Variants in PRRC2B observed in about 807,000 individuals in gnomAD.
PRRC2B encodes protein PRRC2B.
In PRRC2B, 68 loss-of-function variants were observed where a neutral mutation model predicts 242.3. The observed-to-expected ratio is 0.28, with a 90% confidence interval of 0.23 to 0.34. PRRC2B has a LOEUF of 0.34. Ranked by LOEUF, PRRC2B falls within the 10% of genes least tolerant of loss-of-function variation. PRRC2B has a pLI of 1.00. For synonymous variants in PRRC2B, 1,228 were observed against 1,173.6 expected (o/e 1.05, Z -0.95); for missense variants, 2,835 against 2,954.8 (o/e 0.96, Z 0.94).
At chr9:131,379,870 C>T (rs924425693) in intron 1 of PRRC2B, among the ~76,000 whole-genome samples, 10 of 151,600 alleles carry the variant, frequency 6.6e-5, no homozygotes, top group African/African-American at 1.9e-4. Context: ...GTGATCCACC[C>T]GCCTCAGCCT....
At chr9:131,468,448 CTTTATT>C (rs948492486) in intron 13 of PRRC2B, among the ~76,000 whole-genome samples, 7 of 152,178 alleles carry the variant, frequency 4.6e-5, no homozygotes, top group African/African-American at 1.4e-4. Flanking sequence ...TTTTTATAAA[CTTTATT>C]TTTATTTTTT....
chr9:131,451,661 T>C (rs967401405), intron 9 of PRRC2B, among the ~76,000 whole-genome samples: 6 of 151,026 alleles, frequency 4.0e-5, no homozygotes, highest in African/African-American at 1.5e-4. Flanking sequence ...AGGAAGAAAA[T>C]GTTTCATGTG....
rs565504265 is a variant in PRRC2B at position 131,466,781 on chromosome 9, G to C, written c.1721-782G>C. 8.2e-4 allele frequency among the ~76,000 whole-genome samples: 125 copies of C among 152,084 alleles called. 1 individual carries two copies. The highest frequency in any genetic ancestry group is 1.6e-3 in the Non-Finnish European group (111 of 67,978). ...ATTACAGGCGAGCGCCACCATGCCT[G>C]GCTAATTTTTGTACTTTCTTTTTTT... is the stretch of plus-strand genomic sequence containing the variant. On this transcript the variant is annotated intron_variant, in intron 12 of 31. Transcript: ENST00000683519.
chr9:131,460,294 T>C (rs1009733311), intron 11 of PRRC2B, among the ~76,000 whole-genome samples: 4 of 152,232 alleles, frequency 2.6e-5, no homozygotes, highest in Non-Finnish European at 5.9e-5. Context: ...TCTAGCCTTC[T>C]TTATCTGGAT....
chr9:131,420,501 T>TCTTTC (rs1837804218), intron 1 of PRRC2B, among the ~76,000 whole-genome samples: 15 of 19,046 alleles, frequency 7.9e-4, no homozygotes, highest in East Asian at 2.0e-3. Context: ...TTCTTTTTTT[T>TCTTTC]TTTTTTTTTG....
intron 23 of PRRC2B, 144 bp downstream of exon 23, chr9:131,483,589 T>A: frequency 1.4e-6 from 1 of 718,510 alleles, no homozygotes; most frequent in Non-Finnish European, 2.4e-6. Context: ...AAAAGGTGCT[T>A]AAATGTTCCT....
chr9:131,493,880 T>C lies in PRRC2B; in HGVS notation c.6474-525T>C, dbSNP rs558961745. Reference sequence around the variant, plus strand: ...TTTTTGACCGCAGACTTTTTTTTTTTCCACGTAGCACCTAATTAACATCCC... The same window carrying C: ...TTTTTGACCGCAGACTTTTTTTTTTCCCACGTAGCACCTAATTAACATCCC... On this transcript the variant is annotated intron_variant, in intron 30 of 31. Coordinates refer to ENST00000683519, the MANE Select transcript of PRRC2B (RefSeq NM_013318.4). Among the ~76,000 whole-genome samples the C allele has an allele frequency of 9.2e-5, 14 of 152,066 alleles. No homozygotes were observed. The East Asian group carries it at 2.3e-3, about 25-fold the overall frequency.
chr9:131,488,269 CT>C (rs397690778), intron 28 of PRRC2B, among the ~76,000 whole-genome samples, 173 bp downstream of exon 28: 9,495 of 144,650 alleles, frequency 0.066, 387 homozygotes, highest in Admixed American at 0.12. Context: ...GCCCCATCAC[CT>C]TTTTTTTTTT....
chr9:131,475,075 G>C lies in PRRC2B; in HGVS notation c.2946G>C (p.Thr982=). The part of the protein sequence containing the change: ...RLAKEKEQSP[T]AEKDEDEEND... The stretch of plus-strand genomic sequence containing the variant: ...CCAAGGAGAAGGAGCAGAGCCCCAC[G>C]GCAGAAAAGGATGAGGACGAAGAGA... The change falls in exon 16 of 32, where the codon ACG becomes ACC. Residue 982 remains threonine (T), a synonymous_variant. Transcript: ENST00000683519. 1 of 1,610,856 alleles carries C rather than the reference G, an allele frequency of 6.2e-7. No individual in the cohort carries two copies. Among genetic ancestry groups the C allele is most frequent in the Non-Finnish European group, 8.5e-7 (1 of 1,178,512 alleles).
intron 1 of PRRC2B, among the ~76,000 whole-genome samples, chr9:131,422,716 T>G (rs1837877071): frequency 6.6e-6 from 1 of 152,216 alleles, no homozygotes; most frequent in South Asian, 2.1e-4. Context: ...GCGGGCACTG[T>G]CTGGAGAGGC....
intron 1 of PRRC2B, among the ~76,000 whole-genome samples, chr9:131,394,818 C>A (rs961856002): frequency 1.3e-4 from 19 of 151,612 alleles, no homozygotes; most frequent in African/African-American, 4.6e-4. Flanking sequence ...CTAAAGTTGG[C>A]GGCTGGGGGA....
chr9:131,448,531 G>C (rs1026892004), intron 9 of PRRC2B, among the ~76,000 whole-genome samples: 4 of 27,122 alleles, frequency 1.5e-4, no homozygotes, highest in Non-Finnish European at 4.0e-4. Flanking sequence ...GCGACAGAGG[G>C]AGACACTGTC....
rs1465422475 is a variant in PRRC2B, at chr9:131,475,908, A to G, written c.3779A>G (p.Tyr1260Cys). 1.9e-6 allele frequency: 3 copies of G among 1,613,806 alleles called. No individual in the cohort carries two copies. Among genetic ancestry groups the G allele is most frequent in the South Asian group, 1.1e-5 (1 of 91,082 alleles). The change falls in exon 16 of 32, where the codon TAC (tyrosine) becomes TGC (cysteine). Residue 1260 changes from tyrosine to cysteine, a missense_variant. By Grantham distance (194) the Tyr-to-Cys change is radical. Around this residue, in one of 7 missense-constraint regions of PRRC2B, gnomAD observed 1,536 missense variants for 1,483.1 expected, o/e 1.04. Transcript: ENST00000683519. Reference protein sequence around the residue: ...PTDRDYVPDSYRHPDAFGGRG... With the variant: ...PTDRDYVPDSCRHPDAFGGRG... ...GACAGAGACTATGTCCCAGATTCCTACAGACACCCTGACGCATTTGGTGGC... is the reference window on the plus strand; with the variant it reads ...GACAGAGACTATGTCCCAGATTCCTGCAGACACCCTGACGCATTTGGTGGC...
intron 31 of PRRC2B, among the ~76,000 whole-genome samples, chr9:131,495,167 G>A (rs1045618473): frequency 2.6e-5 from 4 of 152,126 alleles, no homozygotes; most frequent in African/African-American, 9.7e-5. Context: ...TGGCTGCTCT[G>A]TGACTTCCCC....
intron 1 of PRRC2B, among the ~76,000 whole-genome samples, chr9:131,411,256 G>A (rs1179859026): frequency 6.6e-6 from 1 of 151,936 alleles, no homozygotes; most frequent in African/African-American, 2.4e-5. Context: ...GACTGTGTCG[G>A]CAGGGGAAGA....
intron 1 of PRRC2B, among the ~76,000 whole-genome samples, chr9:131,402,202 TGCCTC>T (rs1290344356): frequency 6.6e-6 from 1 of 152,198 alleles, no homozygotes; most frequent in East Asian, 1.9e-4. Flanking sequence ...GCGATTTGCC[TGCCTC>T]GGCTTCCCAG....
At chr9:131,426,066 G>A (rs941322219) in intron 1 of PRRC2B, among the ~76,000 whole-genome samples, 7 of 151,768 alleles carry the variant, frequency 4.6e-5, no homozygotes, top group Non-Finnish European at 8.8e-5. Context: ...TGCCAGGCAC[G>A]GTGGCTCATG....
In PRRC2B at chr9:131,379,549, T is replaced by A. The variant is rs548028511; in HGVS notation, c.-56+5818T>A. Among the ~76,000 whole-genome samples the A allele has an allele frequency of 2.0e-5, 3 of 152,270 alleles. No homozygotes were observed. The East Asian group carries it at 5.8e-4, about 29-fold the overall frequency. Reference sequence around the variant, plus strand: ...TGCATTTCCCTGCTGGCTGGTGATATTGAGCATCTTTTCATGTGCTCATCG... The same window carrying A: ...TGCATTTCCCTGCTGGCTGGTGATAATGAGCATCTTTTCATGTGCTCATCG... On this transcript the variant is annotated intron_variant, in intron 1 of 1. Transcript: ENST00000682525.
chr9:131,416,084 C>G (rs1465573045), intron 1 of PRRC2B, among the ~76,000 whole-genome samples: 3 of 151,604 alleles, frequency 2.0e-5, no homozygotes, highest in Admixed American at 2.0e-4. Context: ...TTGGCTTGCT[C>G]TTCCACCTCT....
Sources: allele counts gnomAD v4.1 joint callset (sites outside exome capture counted in the v4.1 genomes callset), GRCh38; gene constraint gnomAD v4.1.1; regional missense constraint gnomAD v4.1.1; transcripts MANE v1.5; gene names NCBI Gene and HGNC (gene_info 2026-07-23, HGNC 2026-07-21).